The following NUP210L variants were observed in gnomAD, a reference collection of about 807,000 sequenced individuals.
NUP210L encodes the protein nuclear pore membrane glycoprotein 210-like.
A neutral mutation model predicts 208.5 loss-of-function variants in NUP210L; 74 were observed. The ratio of observed to expected loss-of-function variants is 0.35; its 90% CI spans 0.29 to 0.43. The LOEUF is 0.43. Among genes scored for constraint, NUP210L ranks in the 20% least tolerant of loss-of-function variants. NUP210L has a pLI of 1.00. For synonymous variants in NUP210L, 780 were observed against 816.9 expected, an observed-to-expected ratio of 0.95 and a Z score of 0.77; for missense variants, 1,843 against 2,289.4, an observed-to-expected ratio of 0.81 and a Z score of 3.98.
chr1:153,994,973 C>G, intron 38 of NUP210L, 103 bp downstream of exon 38: 1 of 682,224 alleles, frequency 1.5e-6, no homozygotes, highest in Admixed American at 2.9e-5. Flanking sequence ...GATTGCGCCA[C>G]TGCACTCCAG....
At chr1:154,056,862 T>C in exon 23 of NUP210L, 4 of 1,602,232 alleles carry the variant, frequency 2.5e-6, no homozygotes, top group Non-Finnish European at 3.4e-6. Context: ...ATCTTGTCCT[T>C]GGCAATAGCC....
intron 32 of NUP210L, among the ~76,000 whole-genome samples, chr1:154,021,494 T>C (rs1055317385): frequency 2.1e-5 from 3 of 141,108 alleles, no homozygotes; most frequent in Admixed American, 7.2e-5. Context: ...ACTCTGTCTC[T>C]AAAAAAAAAA....
chr1:154,029,898 G>C lies in NUP210L; in HGVS notation c.3853C>G (p.Leu1285Val), dbSNP rs187101781. 12 of 1,601,710 alleles carry C rather than the reference G, an allele frequency of 7.5e-6. No individual in the cohort carries two copies. The East Asian group carries it at 2.7e-4, about 36-fold the overall frequency. ...AAGATTTAGATTTGGAAGCTTACCA[G>C]GATCTGTACTTCATCAGAGAGTTCC... The change falls in exon 28 of 40, where the codon CTG becomes GTG. Residue 1285 changes from leucine (L) to valine (V), a missense_variant and splice_region_variant. Physicochemically the swap from Leu to Val is conservative, Grantham distance 32. Coordinates refer to ENST00000368559, the Ensembl canonical transcript of NUP210L.
intron 34 of NUP210L, 147 bp from the exon 35 acceptor site, chr1:154,010,268 TC>T: frequency 1.5e-6 from 1 of 651,208 alleles, no homozygotes; most frequent in Non-Finnish European, 2.6e-6. Flanking sequence ...TCTGCTTCAA[TC>T]AAGGTGAAAG....
chr1:154,034,847 T>C (rs1390871795), intron 27 of NUP210L, among the ~76,000 whole-genome samples: 2 of 149,976 alleles, frequency 1.3e-5, no homozygotes, highest in Non-Finnish European at 3.0e-5. Context: ...CTCTCTCTTT[T>C]TTTTTTTTTT....
chr1:154,135,018 G>C (rs1004084930), intron 7 of NUP210L, among the ~76,000 whole-genome samples: 1 of 151,482 alleles, frequency 6.6e-6, no homozygotes, highest in African/African-American at 2.4e-5. Flanking sequence ...GATTACATGC[G>C]TGAGCCACCA....
chr1:154,089,740 A>G (rs983450492), intron 15 of NUP210L, 146 bp from the exon 16 acceptor site: 1 of 650,698 alleles, frequency 1.5e-6, no homozygotes, highest in Non-Finnish European at 2.7e-6. Flanking sequence ...AAGACATTAT[A>G]GTTCTTAATT....
At chr1:154,074,769 G>A (rs1439116546) in intron 16 of NUP210L, among the ~76,000 whole-genome samples, 2 of 152,112 alleles carry the variant, frequency 1.3e-5, no homozygotes, top group African/African-American at 2.4e-5. Flanking sequence ...GATTACAGGC[G>A]TAAGCCACCG....
exon 33 of NUP210L, chr1:154,019,063 G>T (rs1419060842): frequency 5.6e-6 from 9 of 1,613,946 alleles, no homozygotes; most frequent in Non-Finnish European, 7.6e-6. Flanking sequence ...CCATATCCCA[G>T]GTTCACCTAG....
In NUP210L at chr1:154,104,225, T is replaced by A. The variant is rs768417209; in HGVS notation, c.1621-15A>T. ...AGGACATGTATCTGGAGGGGAAAAATTCATCTTTCAAGAAAGTTATGTTAA... is the reference window on the plus strand; with the variant it reads ...AGGACATGTATCTGGAGGGGAAAAAATCATCTTTCAAGAAAGTTATGTTAA... On this transcript the variant is annotated splice_polypyrimidine_tract_variant and intron_variant, in intron 12 of 39. Coordinates refer to ENST00000368559, the Ensembl canonical transcript of NUP210L. 4 of 1,607,814 alleles carry A rather than the reference T, an allele frequency of 2.5e-6. No individual in the cohort carries two copies. Among genetic ancestry groups the A allele is most frequent in the South Asian group, 2.2e-5 (2 of 90,142 alleles).
chr1:154,054,300 A>T (rs763698198), exon 25 of NUP210L: 1 of 1,614,196 alleles, frequency 6.2e-7, no homozygotes, highest in Non-Finnish European at 8.5e-7. Flanking sequence ...CAGCTGTGCC[A>T]ACAATCTTCC....
At chr1:154,142,239 G>A (rs1658886575) in intron 3 of NUP210L, among the ~76,000 whole-genome samples, 1 of 151,340 alleles carries the variant, frequency 6.6e-6, no homozygotes, top group South Asian at 2.1e-4. Context: ...CAAAGAAAGT[G>A]GCAATACATT....
chr1:154,125,164 G>A, intron 10 of NUP210L, among the ~76,000 whole-genome samples: 1 of 151,898 alleles, frequency 6.6e-6, no homozygotes, highest in East Asian at 1.9e-4. Flanking sequence ...AATTAGCCAG[G>A]TGTGGCCGGT....
exon 40 of NUP210L, chr1:153,992,930 A>G (rs1230950824): frequency 6.2e-7 from 1 of 1,611,240 alleles, no homozygotes; most frequent in Admixed American, 1.7e-5. Context: ...GTGGAGTTAA[A>G]AAAACCTAGA....
chr1:154,003,020 T>TG, intron 35 of NUP210L, among the ~76,000 whole-genome samples: 1 of 151,416 alleles, frequency 6.6e-6, no homozygotes, highest in Non-Finnish European at 1.5e-5. Flanking sequence ...TTTTTTTTTT[T>TG]TTTTTAAAGA....
In NUP210L at chr1:154,025,535, A is replaced by T. The variant is rs775430916; in HGVS notation, c.4122+7T>A. The stretch of plus-strand genomic sequence containing the variant: ...ATTTGTTTTTTTTAGTAAGTCCATG[A>T]ACTCACCTGGACCCCAGTTATGGTT... On this transcript the variant is annotated splice_region_variant and intron_variant, in intron 30 of 39. Coordinates refer to ENST00000368559, the Ensembl canonical transcript of NUP210L. 2.5e-6 allele frequency: 4 copies of T among 1,583,178 alleles called. No individual in the cohort carries two copies. Among genetic ancestry groups the T allele is most frequent in the Non-Finnish European group, 2.6e-6 (3 of 1,160,366 alleles).
chr1:154,032,930 T>G (rs1256758669), intron 27 of NUP210L, among the ~76,000 whole-genome samples: 1 of 106,320 alleles, frequency 9.4e-6, no homozygotes, highest in Non-Finnish European at 1.7e-5. Flanking sequence ...AGAGCAAGAC[T>G]ACATCTCAAA....
intron 37 of NUP210L, among the ~76,000 whole-genome samples, chr1:153,997,332 G>C (rs1360281514): frequency 6.6e-6 from 1 of 151,390 alleles, no homozygotes; most frequent in East Asian, 1.9e-4. Context: ...TTAGAGATGA[G>C]GTCTCTCTAT....
chr1:154,092,462 C>T (rs895358103), intron 15 of NUP210L, among the ~76,000 whole-genome samples: 8 of 150,574 alleles, frequency 5.3e-5, no homozygotes, highest in South Asian at 2.1e-4. Context: ...CTCTGCCTCC[C>T]GGGTTCAAGC....
Sources: allele counts gnomAD v4.1 joint callset (sites outside exome capture counted in the v4.1 genomes callset), GRCh38; gene constraint gnomAD v4.1.1; transcripts MANE v1.5; gene names NCBI Gene and HGNC (gene_info 2026-07-23, HGNC 2026-07-21).